PCDHB14: variants seen among roughly 807,000 people sequenced by gnomAD.
PCDHB14 encodes protocadherin beta 14.
For synonymous variants in PCDHB14, 511 were observed against 441.5 expected, an observed-to-expected ratio of 1.16 and a Z score of -1.97; for missense variants, 1,129 against 1,000.5, an observed-to-expected ratio of 1.13 and a Z score of -1.73.
In PCDHB14 at chr5:141,223,794, G is replaced by A. The variant is rs1554289046; in HGVS notation, c.289G>A (p.Gly97Ser). ...GAAACTAGACCGAGACGAGCTGTGT[G>A]GCTCCACCGAGCCCTGTGTGCTGCA... Reference protein sequence around the residue: ...NEKLDRDELCGSTEPCVLHFQ... With the variant: ...NEKLDRDELCSSTEPCVLHFQ... Residue 97 changes from glycine to serine, a missense_variant, in exon 1 of 1, where the codon GGC (glycine) becomes AGC (serine). Gly to Ser is a moderately conservative substitution (Grantham distance 56, BLOSUM62 0). Coordinates refer to ENST00000239449, the MANE Select transcript of PCDHB14 (RefSeq NM_018934.4). 11 of 1,614,098 alleles carry A rather than the reference G, an allele frequency of 6.8e-6. No homozygotes were observed. Among genetic ancestry groups the A allele is most frequent in the Non-Finnish European group, 9.3e-6 (11 of 1,180,016 alleles).
rs1554289021 is a variant in PCDHB14 at position 141,223,680 on chromosome 5, C to T, written c.175C>T (p.Leu59=). The T allele has an allele frequency of 6.2e-7, 1 of 1,614,114 alleles. No individual in the cohort carries two copies. Among genetic ancestry groups the T allele is most frequent in the Admixed American group, 1.7e-5 (1 of 60,014 alleles). The change falls in exon 1 of 1, where the codon CTG becomes TTG. Residue 59 remains leucine, a synonymous_variant. Coordinates refer to ENST00000239449, the MANE Select transcript of PCDHB14 (RefSeq NM_018934.4). The part of the protein sequence containing the change: ...ARDLGLGVEE[L]SSREARVVSD... ...GGACCTAGGGCTGGGGGTGGAGGAG[C>T]TGTCTTCACGTGAAGCCCGGGTAGT...
chr5:141,223,823 T>C lies in PCDHB14; in HGVS notation c.318T>C (p.Phe106=). The C allele has an allele frequency of 4.3e-6, 7 of 1,613,746 alleles. No individual in the cohort carries two copies. Among genetic ancestry groups the C allele is most frequent in the Non-Finnish European group, 5.9e-6 (7 of 1,179,882 alleles). The change falls in exon 1 of 1, where the codon TTT becomes TTC. Residue 106 remains phenylalanine (F), a synonymous_variant. Transcript: ENST00000239449. ...CGSTEPCVLH[F]QVVLENPLQF... is the part of the protein sequence containing the mutation. ...CCACCGAGCCCTGTGTGCTGCATTT[T>C]CAGGTGGTTTTGGAAAACCCTTTAC...
Position 141,225,581 on chromosome 5 carries a change from G to A in PCDHB14, c.2076G>A (p.Val692=). 6 of 1,611,418 alleles carry A rather than the reference G, an allele frequency of 3.7e-6. No individual in the cohort carries two copies. The highest frequency in any genetic ancestry group is 5.1e-6 in the Non-Finnish European group (6 of 1,179,830). ...ACTCCCTCACCGTCTACCTGGTGGT[G>A]GCATTGGCCTCGGTGTCGTCGCTCT... is the stretch of plus-strand genomic sequence containing the variant. ...QADSLTVYLV[V]ALASVSSLFL... is the part of the protein sequence containing the mutation. The change falls in exon 1 of 1, where the codon GTG becomes GTA. Residue 692 remains valine (V), a synonymous_variant. Coordinates refer to ENST00000239449, the MANE Select transcript of PCDHB14 (RefSeq NM_018934.4).
In PCDHB14 at chr5:141,224,656, C is replaced by G. The variant is rs782154777; in HGVS notation, c.1151C>G (p.Ser384Cys). The G allele has an allele frequency of 6.2e-7, 1 of 1,614,166 alleles. No individual in the cohort carries two copies. Among genetic ancestry groups the G allele is most frequent in the Non-Finnish European group, 8.5e-7 (1 of 1,180,036 alleles). The change falls in exon 1 of 1, where the codon TCT becomes TGT. Residue 384 changes from serine (S) to cysteine (C), a missense_variant. Physicochemically the swap from Ser to Cys is moderately radical, Grantham distance 112. Transcript: ENST00000239449. ...DSGDNGRMIC[S>C]IQDNLPFFLK... Reference sequence around the variant, plus strand: ...GGAGACAATGGGAGGATGATTTGCTCTATTCAAGATAACCTCCCTTTTTTC... The same window carrying G: ...GGAGACAATGGGAGGATGATTTGCTGTATTCAAGATAACCTCCCTTTTTTC...
At position 141,226,029 on chromosome 5, in the gene PCDHB14, A is replaced by T. The variant is rs73275709; in HGVS notation, c.*127A>T. On this transcript the variant is annotated 3_prime_UTR_variant, in exon 1 of 1. Coordinates refer to ENST00000239449, the MANE Select transcript of PCDHB14 (RefSeq NM_018934.4). ...CATGATTATAGCTCTTGTTTTTCTC[A>T]CAGTTTCTTTAAAAATCTTTATTAG... is the stretch of plus-strand genomic sequence containing the variant. The T allele has an allele frequency of 7.2e-6, 6 of 833,728 alleles. No individual in the cohort carries two copies. The African/African-American group carries it at 1.0e-4, about 14-fold the overall frequency. The allele number at this position is 833,728 out of a possible 1,614,324, so 51.6% of individuals were successfully genotyped here.
chr5:141,223,520 G>T lies in PCDHB14; in HGVS notation c.15G>T (p.Gly5=). The T allele has an allele frequency of 6.2e-7, 1 of 1,609,522 alleles. No individual in the cohort carries two copies. Among genetic ancestry groups the T allele is most frequent in the Non-Finnish European group, 8.5e-7 (1 of 1,176,904 alleles). The change falls in exon 1 of 1, where the codon GGG becomes GGT. Residue 5 remains glycine (G), a synonymous_variant. Transcript: ENST00000239449. MEIR[G]ALDLRKRQVL... is the part of the protein sequence containing the mutation. ...CTAAAGGAACCATGGAGATCAGAGG[G>T]GCACTCGATCTGCGAAAAAGGCAAG...
In PCDHB14 at chr5:141,223,951, G is replaced by T; in HGVS notation, c.446G>T (p.Gly149Val). The change falls in exon 1 of 1, where the codon GGA (glycine) becomes GTA (valine). Residue 149 changes from glycine to valine, a missense_variant. By Grantham distance (109) the Gly-to-Val change is moderately radical (BLOSUM62 -3). Coordinates refer to ENST00000239449, the MANE Select transcript of PCDHB14 (RefSeq NM_018934.4). ...AAAATATCAGAAGGTACCACTGTTGGAGCTACCTTTCTAATGGAGAGTGCT... is the reference window on the plus strand; with the variant it reads ...AAAATATCAGAAGGTACCACTGTTGTAGCTACCTTTCTAATGGAGAGTGCT... ...LIKISEGTTVGATFLMESAQD... is the reference protein window; with the variant it reads ...LIKISEGTTVVATFLMESAQD... 1.2e-6 allele frequency: 2 copies of T among 1,614,054 alleles called. No homozygotes were observed. Among genetic ancestry groups the T allele is most frequent in the Non-Finnish European group, 1.7e-6 (2 of 1,179,994 alleles).
Position 141,223,427 on chromosome 5 carries a change from C to T in PCDHB14, c.-79C>T. On this transcript the variant is annotated 5_prime_UTR_variant, in exon 1 of 1. Coordinates refer to ENST00000239449, the MANE Select transcript of PCDHB14 (RefSeq NM_018934.4). Reference sequence around the variant, plus strand: ...TGGAGGATACACTCTCCAGGGGGTTCCTGTTAAAAACCAGAGCTTCAGCTT... The same window carrying T: ...TGGAGGATACACTCTCCAGGGGGTTTCTGTTAAAAACCAGAGCTTCAGCTT... 3.9e-6 allele frequency: 4 copies of T among 1,021,638 alleles called. No individual in the cohort carries two copies. The highest frequency in any genetic ancestry group is 5.9e-6 in the Non-Finnish European group (4 of 677,614). The allele number at this position is 1,021,638 out of a possible 1,614,324, so 63.3% of individuals were successfully genotyped here.
At position 141,224,530 on chromosome 5, in the gene PCDHB14, ACAACC is replaced by A; in HGVS notation, c.1028_1032del (p.Asn343ThrfsTer25). 1 of 1,612,806 alleles carries A rather than the reference ACAACC, an allele frequency of 6.2e-7. No individual in the cohort carries two copies. The highest frequency in any genetic ancestry group is 8.5e-7 in the Non-Finnish European group (1 of 1,179,694). On this transcript the variant is annotated frameshift_variant, in exon 1 of 1. Transcript: ENST00000239449. LOFTEE classifies it low-confidence loss of function (END_TRUNC). Reference sequence around the variant, plus strand: ...CTAGTTAAAGTTATGGATATAAACGACAACCCACCAGAAGTGACCATATCGTCGAT... The same window carrying A: ...CTAGTTAAAGTTATGGATATAAACGACACCAGAAGTGACCATATCGTCGAT...
Position 141,223,576 on chromosome 5 carries a change from C to T in PCDHB14, c.71C>T (p.Ser24Phe). Reference protein sequence around the residue: ...VLIFLVLLGLSRAGTESAHYS... With the variant: ...VLIFLVLLGLFRAGTESAHYS... ...ATATTCCTTGTTTTGCTGGGATTGT[C>T]TCGGGCAGGTACTGAATCTGCACAC... is the stretch of plus-strand genomic sequence containing the variant. Residue 24 changes from serine (S) to phenylalanine (F), a missense_variant, in exon 1 of 1, where the codon TCT becomes TTT. Transcript: ENST00000239449. The T allele has an allele frequency of 6.2e-7, 1 of 1,614,112 alleles. No homozygotes were observed. Among genetic ancestry groups the T allele is most frequent in the Non-Finnish European group, 8.5e-7 (1 of 1,180,032 alleles).
chr5:141,223,671 G>A lies in PCDHB14; in HGVS notation c.166G>A (p.Val56Met). ...ANLARDLGLG[V>M]EELSSREARV... The stretch of plus-strand genomic sequence containing the variant: ...TCTAGCGAGGGACCTAGGGCTGGGG[G>A]TGGAGGAGCTGTCTTCACGTGAAGC... Residue 56 changes from valine to methionine, a missense_variant, in exon 1 of 1, where the codon GTG becomes ATG. Val to Met is a conservative substitution (Grantham distance 21). Transcript: ENST00000239449. The A allele has an allele frequency of 1.2e-6, 2 of 1,614,154 alleles. No homozygotes were observed.
rs1468749898 is a variant in PCDHB14 at position 141,225,494 on chromosome 5, G to A, written c.1989G>A (p.Val663=). The stretch of plus-strand genomic sequence containing the variant: ...CCGCCACGCTGCACGTGCTCCTGGT[G>A]GACGGCTTCTCCCAGCCCTACCTGC... ...SATATLHVLL[V]DGFSQPYLPL... The change falls in exon 1 of 1, where the codon GTG becomes GTA. Residue 663 remains valine, a synonymous_variant. Transcript: ENST00000239449. 6.2e-7 allele frequency: 1 copy of A among 1,606,902 alleles called. No individual in the cohort carries two copies. Among genetic ancestry groups the A allele is most frequent in the East Asian group, 2.2e-5 (1 of 44,860 alleles).
Position 141,224,497 on chromosome 5 carries a change from G to C in PCDHB14, c.992G>C (p.Cys331Ser), listed in dbSNP as rs1554289186. The change falls in exon 1 of 1, where the codon TGC becomes TCC. Residue 331 changes from cysteine (C) to serine (S), a missense_variant. Physicochemically the swap from Cys to Ser is moderately radical, Grantham distance 112 (BLOSUM62 -1). Transcript: ENST00000239449. ...GATGGTGGGGGTCTTTCAGGAAAAT[G>C]CACCCTTCTAGTTAAAGTTATGGAT... is the stretch of plus-strand genomic sequence containing the variant. ...ATDGGGLSGK[C>S]TLLVKVMDIN... 6.2e-7 allele frequency: 1 copy of C among 1,613,422 alleles called. No individual in the cohort carries two copies. Among genetic ancestry groups the C allele is most frequent in the African/African-American group, 1.3e-5 (1 of 74,838 alleles).
At position 141,225,413 on chromosome 5, in the gene PCDHB14, C is replaced by A. The variant is rs1554289463; in HGVS notation, c.1908C>A (p.Ala636=). 6.2e-7 allele frequency: 1 copy of A among 1,604,932 alleles called. No individual in the cohort carries two copies. The highest frequency in any genetic ancestry group is 1.3e-5 in the African/African-American group (1 of 74,962). Residue 636 remains alanine, a synonymous_variant, in exon 1 of 1, where the codon GCC becomes GCA. Coordinates refer to ENST00000239449, the MANE Select transcript of PCDHB14 (RefSeq NM_018934.4). ...GGCTGCTGAGCGAGCGCGACGCGGC[C>A]AAGCACAGGCTGGTGGTGCTGGTCA... The part of the protein sequence containing the change: ...TARLLSERDA[A]KHRLVVLVKD...
Position 141,224,645 on chromosome 5 carries a change from G to T in PCDHB14, c.1140G>T (p.Arg380Ser), listed in dbSNP as rs1432405637. 2 of 1,613,998 alleles carry T rather than the reference G, an allele frequency of 1.2e-6. No homozygotes were observed. Among genetic ancestry groups the T allele is most frequent in the African/African-American group, 2.7e-5 (2 of 74,894 alleles). Residue 380 changes from arginine (R) to serine (S), a missense_variant, in exon 1 of 1, where the codon AGG becomes AGT. Physicochemically the swap from Arg to Ser is moderately radical, Grantham distance 110. Coordinates refer to ENST00000239449, the MANE Select transcript of PCDHB14 (RefSeq NM_018934.4). Reference sequence around the variant, plus strand: ...ACCAAGACTCTGGAGACAATGGGAGGATGATTTGCTCTATTCAAGATAACC... The same window carrying T: ...ACCAAGACTCTGGAGACAATGGGAGTATGATTTGCTCTATTCAAGATAACC... Reference protein sequence around the residue: ...ILDQDSGDNGRMICSIQDNLP... With the variant: ...ILDQDSGDNGSMICSIQDNLP...
Position 141,225,571 on chromosome 5 carries a change from A to G in PCDHB14, c.2066A>G (p.Tyr689Cys). ...GCCCAGGCCGACTCCCTCACCGTCT[A>G]CCTGGTGGTGGCATTGGCCTCGGTG... ...AQAQADSLTVYLVVALASVSS... is the reference protein window; with the variant it reads ...AQAQADSLTVCLVVALASVSS... The change falls in exon 1 of 1, where the codon TAC (tyrosine) becomes TGC (cysteine). Residue 689 changes from tyrosine (Y) to cysteine (C), a missense_variant. By Grantham distance (194) the Tyr-to-Cys change is radical. Transcript: ENST00000239449. 1 of 1,609,872 alleles carries G rather than the reference A, an allele frequency of 6.2e-7. No individual in the cohort carries two copies. The highest frequency in any genetic ancestry group is 8.5e-7 in the Non-Finnish European group (1 of 1,179,582).
chr5:141,224,980 C>A lies in PCDHB14; in HGVS notation c.1475C>A (p.Pro492Gln), dbSNP rs782298453. ...GCCCAGGTCAACTACTCGCTGCTGC[C>A]GCCCCAGGACCGGCACCTGCCCCTC... ...TNAQVNYSLL[P>Q]PQDRHLPLAS... Residue 492 changes from proline (P) to glutamine (Q), a missense_variant, in exon 1 of 1, where the codon CCG (proline) becomes CAG (glutamine). Transcript: ENST00000239449. 1.2e-6 allele frequency: 2 copies of A among 1,612,598 alleles called. No individual in the cohort carries two copies. The highest frequency in any genetic ancestry group is 2.2e-5 in the East Asian group (1 of 44,878).
rs976576807 is a variant in PCDHB14, at chr5:141,225,967, A to G, written c.*65A>G. On this transcript the variant is annotated 3_prime_UTR_variant, in exon 1 of 1. Transcript: ENST00000239449. ...GCAAGCTGATGGTACTTTTTGCATA[A>G]TCTTTTGTGGATTCTTGGTTGTACT... 1.4e-6 allele frequency: 2 copies of G among 1,410,350 alleles called. No individual in the cohort carries two copies. The highest frequency in any genetic ancestry group is 1.3e-5 in the South Asian group (1 of 74,586). 87.4% of individuals were successfully genotyped at this position (1,410,350 alleles called of 1,614,324 possible).
rs73275709 is a variant in PCDHB14 at position 141,226,029 on chromosome 5, A to G, written c.*127A>G. On this transcript the variant is annotated 3_prime_UTR_variant, in exon 1 of 1. Coordinates refer to ENST00000239449, the MANE Select transcript of PCDHB14 (RefSeq NM_018934.4). Reference sequence around the variant, plus strand: ...CATGATTATAGCTCTTGTTTTTCTCACAGTTTCTTTAAAAATCTTTATTAG... The same window carrying G: ...CATGATTATAGCTCTTGTTTTTCTCGCAGTTTCTTTAAAAATCTTTATTAG... The G allele has an allele frequency of 0.17, 141,739 of 833,068 alleles. 13,998 individuals carry two copies. Among genetic ancestry groups the G allele is most frequent in the African/African-American group, 0.34 (19,742 of 57,814 alleles). The allele number at this position is 833,068 out of a possible 1,614,324, so 51.6% of individuals were successfully genotyped here.
Sources: allele counts gnomAD v4.1 joint callset, GRCh38; gene constraint gnomAD v4.1.1; transcripts MANE v1.5; gene names NCBI Gene and HGNC (gene_info 2026-07-23, HGNC 2026-07-21).